KCNMB2: variants seen among roughly 807,000 people sequenced by gnomAD.
KCNMB2 encodes the protein potassium calcium-activated channel subfamily M regulatory beta subunit 2, also known as calcium-activated potassium channel subunit beta-2.
A neutral mutation model predicts 24.5 loss-of-function variants in KCNMB2; 9 were observed. The ratio of observed to expected loss-of-function variants is 0.37; its 90% CI spans 0.22 to 0.64. KCNMB2 has a LOEUF of 0.64. KCNMB2 is among the 30% of genes least tolerant of loss of function. The probability of loss-of-function intolerance (pLI) is 0.63; values close to 1 mark genes in which losing one functional copy is unlikely to be tolerated. For synonymous variants in KCNMB2, 109 were observed against 104.4 expected, an observed-to-expected ratio of 1.04 and a Z score of -0.27; for missense variants, 226 against 284.3, an observed-to-expected ratio of 0.79 and a Z score of 1.47.
At chr3:178,757,954 C>T (rs1334708847) in intron 1 of KCNMB2, among the ~76,000 whole-genome samples, 143 of 76,392 alleles carry the variant, frequency 1.9e-3, no homozygotes, top group African/African-American at 4.6e-3. Context: ...GATATATAGA[C>T]ACAAGAGGAT....
chr3:178,647,658 T>G (rs762320841), intron 1 of KCNMB2, among the ~76,000 whole-genome samples: 3 of 152,210 alleles, frequency 2.0e-5, no homozygotes, highest in Non-Finnish European at 4.4e-5. Context: ...TTAATAATAG[T>G]TAAGTAGGCT....
intron 1 of KCNMB2, among the ~76,000 whole-genome samples, chr3:178,614,291 A>G (rs1172309513): frequency 0.077 from 8,048 of 104,078 alleles, 688 homozygotes; most frequent in Middle Eastern, 0.19. Context: ...ATATATATAT[A>G]TATATGTATG....
At chr3:178,762,916 T>C (rs13070808) in intron 1 of KCNMB2, among the ~76,000 whole-genome samples, 45,956 of 150,926 alleles carry the variant, frequency 0.3, 7,105 homozygotes, top group African/African-American at 0.32. Context: ...GAAGTGTCAA[T>C]TTTTGGATGT....
At chr3:178,671,774 G>C (rs1560158927) in intron 1 of KCNMB2, among the ~76,000 whole-genome samples, 2 of 152,132 alleles carry the variant, frequency 1.3e-5, no homozygotes, top group African/African-American at 4.8e-5. Flanking sequence ...TGAAACAGTA[G>C]TTTTTGTGCT....
intron 1 of KCNMB2, among the ~76,000 whole-genome samples, chr3:178,566,840 G>A (rs1434130610): frequency 6.6e-6 from 1 of 152,172 alleles, no homozygotes; most frequent in Non-Finnish European, 1.5e-5. Flanking sequence ...GCTTAACAAT[G>A]TACGTTCATA....
intron 1 of KCNMB2, among the ~76,000 whole-genome samples, chr3:178,645,077 T>G (rs1577069028): frequency 6.9e-6 from 1 of 145,648 alleles, no homozygotes; most frequent in South Asian, 2.2e-4. Flanking sequence ...TTGAGATGAG[T>G]TTTGCTCTTG....
At chr3:178,821,669 G>A (rs1485729200) in intron 2 of KCNMB2, among the ~76,000 whole-genome samples, 2 of 152,030 alleles carry the variant, frequency 1.3e-5, no homozygotes, top group Non-Finnish European at 2.9e-5. Context: ...TCACCTCTTT[G>A]GATCCTGGAA....
intron 4 of KCNMB2, among the ~76,000 whole-genome samples, chr3:178,835,242 G>A (rs1270167279): frequency 6.6e-6 from 1 of 152,006 alleles, no homozygotes; most frequent in Non-Finnish European, 1.5e-5. Flanking sequence ...AAACAGTCAT[G>A]CATAGCAGTG....
intron 1 of KCNMB2, among the ~76,000 whole-genome samples, chr3:178,626,894 A>G (rs1719140481): frequency 6.7e-6 from 1 of 148,788 alleles, no homozygotes; most frequent in African/African-American, 2.4e-5. Context: ...TTATATATAT[A>G]TAGTAAGTAT....
At chr3:178,712,737 A>C (rs1287041157) in intron 1 of KCNMB2, among the ~76,000 whole-genome samples, 1 of 152,218 alleles carries the variant, frequency 6.6e-6, no homozygotes, top group Non-Finnish European at 1.5e-5. Flanking sequence ...GCCAGGATTC[A>C]GACAGACTCC....
rs183894736 is a variant in KCNMB2 at position 178,834,574 on chromosome 3, G to A, written c.423+6201G>A. ...TATCTGTGATCCATAGGTAAGATTAGGACTGTATATTCAGCACCAGTTTAT... is the reference window on the plus strand; with the variant it reads ...TATCTGTGATCCATAGGTAAGATTAAGACTGTATATTCAGCACCAGTTTAT... On this transcript the variant is annotated intron_variant, in intron 4 of 4. Coordinates refer to ENST00000452583, the MANE Select transcript of KCNMB2 (RefSeq NM_181361.3). Among the ~76,000 whole-genome samples, 288 of 152,170 alleles carry A rather than the reference G, an allele frequency of 1.9e-3. 4 individuals carry two copies. Among genetic ancestry groups the A allele is most frequent in the South Asian group, 2.5e-3 (12 of 4,814 alleles).
At chr3:178,776,807 C>T (rs1331660042) in intron 1 of KCNMB2, among the ~76,000 whole-genome samples, 6 of 152,090 alleles carry the variant, frequency 3.9e-5, no homozygotes, top group African/African-American at 1.2e-4. Context: ...AAAACAGAAT[C>T]GTACAGTGTT....
chr3:178,632,437 G>T (rs564679655), intron 1 of KCNMB2, among the ~76,000 whole-genome samples: 1 of 152,160 alleles, frequency 6.6e-6, no homozygotes, highest in African/African-American at 2.4e-5. Context: ...ACTTACAATC[G>T]TGGCAGAGGG....
At chr3:178,577,276 G>A (rs1717030530) in intron 1 of KCNMB2, among the ~76,000 whole-genome samples, 2 of 152,166 alleles carry the variant, frequency 1.3e-5, no homozygotes, top group Non-Finnish European at 2.9e-5. Flanking sequence ...CAGAAGAGGG[G>A]CCTGACTGTT....
At chr3:178,661,706 A>C (rs2108571409) in intron 1 of KCNMB2, among the ~76,000 whole-genome samples, 1 of 152,272 alleles carries the variant, frequency 6.6e-6, no homozygotes, top group South Asian at 2.1e-4. Flanking sequence ...ATTACTTGGA[A>C]GCTTGCCGGA....
chr3:178,704,053 A>C (rs1722196792), intron 1 of KCNMB2, among the ~76,000 whole-genome samples: 1 of 152,300 alleles, frequency 6.6e-6, no homozygotes, highest in East Asian at 1.9e-4. Context: ...ATTTCACTTT[A>C]TAATGCTGGA....
chr3:178,671,946 G>A (rs1032497835), intron 1 of KCNMB2, among the ~76,000 whole-genome samples: 5 of 152,190 alleles, frequency 3.3e-5, no homozygotes, highest in African/African-American at 1.2e-4. Context: ...TGCACACAGA[G>A]AGGTGCACAC....
Position 178,807,398 on chromosome 3 carries a change from A to G in KCNMB2, c.-12A>G. 1 of 1,612,946 alleles carries G rather than the reference A, an allele frequency of 6.2e-7. No individual in the cohort carries two copies. The highest frequency in any genetic ancestry group is 1.1e-5 in the South Asian group (1 of 90,942). On this transcript the variant is annotated 5_prime_UTR_variant, in exon 2 of 5. Coordinates refer to ENST00000452583, the MANE Select transcript of KCNMB2 (RefSeq NM_181361.3). ...CATAAGGAAAGGAGACCCTGGACCA[A>G]CATTCTCTAAGATGTTTATATGGAC...
chr3:178,738,301 C>T (rs1031087177), intron 1 of KCNMB2, among the ~76,000 whole-genome samples: 1 of 152,192 alleles, frequency 6.6e-6, no homozygotes, highest in Non-Finnish European at 1.5e-5. Context: ...CTCCAGCCTT[C>T]TAACCTGTGC....
Sources: gnomAD v4.1 joint callset for allele counts (sites outside exome capture counted in the v4.1 genomes callset) on GRCh38, gnomAD v4.1.1 for gene constraint, MANE v1.5 for transcripts, NCBI Gene and HGNC (gene_info 2026-07-23, HGNC 2026-07-21) for gene names.